Variants in MROH9 observed in about 807,000 individuals in gnomAD.
MROH9 encodes the protein maestro heat like repeat family member 9.
A neutral mutation model predicts 98.2 loss-of-function variants in MROH9; 92 were observed. That is an observed-to-expected ratio of 0.94 (90% CI 0.79 to 1.11). The LOEUF (loss-of-function observed/expected upper bound fraction) is 1.11, where lower values mean the gene tolerates loss of function less well. MROH9 is among the 50% of genes most tolerant of loss of function. The pLI, the probability that MROH9 is intolerant of heterozygous loss-of-function variation, is 0.00. For missense variants in MROH9, 1,057 were observed against 1,014.8 expected (o/e 1.04, Z -0.57); for synonymous variants, 397 against 368.9 (o/e 1.08, Z -0.87).
At chr1:171,035,940 CA>C (rs1653085611) in intron 20 of MROH9, among the ~76,000 whole-genome samples, 1 of 152,038 alleles carries the variant, frequency 6.6e-6, no homozygotes, top group African/African-American at 2.4e-5. Context: ...CATGTGTTCA[CA>C]AAAGATATGT....
intron 11 of MROH9, among the ~76,000 whole-genome samples, chr1:170,991,204 T>C (rs1013519843): frequency 6.6e-6 from 1 of 152,146 alleles, no homozygotes. Flanking sequence ...TACCAGCAGG[T>C]CTAATTCTAT....
At chr1:170,997,012 A>G (rs1387674367) in intron 14 of MROH9, among the ~76,000 whole-genome samples, 2 of 152,286 alleles carry the variant, frequency 1.3e-5, no homozygotes, top group East Asian at 3.9e-4. Context: ...AAACAGGTCC[A>G]GTAAAAACCT....
chr1:171,010,863 A>T (rs1652126489), intron 15 of MROH9, among the ~76,000 whole-genome samples: 1 of 152,100 alleles, frequency 6.6e-6, no homozygotes, highest in Non-Finnish European at 1.5e-5. Context: ...AGATGGGTAG[A>T]TTGCAAAAAA....
intron 20 of MROH9, among the ~76,000 whole-genome samples, chr1:171,057,500 C>T (rs964810640): frequency 6.6e-6 from 1 of 152,110 alleles, no homozygotes; most frequent in African/African-American, 2.4e-5. Flanking sequence ...ACTGGAATAC[C>T]TGAAGGAGAT....
chr1:170,987,781 T>C (rs1210257238), intron 10 of MROH9, among the ~76,000 whole-genome samples: 1 of 152,212 alleles, frequency 6.6e-6, no homozygotes, highest in African/African-American at 2.4e-5. Flanking sequence ...TCAATTTTTA[T>C]CATTCATATA....
intron 20 of MROH9, among the ~76,000 whole-genome samples, chr1:171,048,073 G>GCCA (rs755776371): frequency 6.6e-6 from 1 of 152,142 alleles, no homozygotes; most frequent in East Asian, 1.9e-4. Flanking sequence ...CATCCCTGTG[G>GCCA]CCACCACCAC....
chr1:170,992,229 C>T lies in MROH9; in HGVS notation c.1094C>T (p.Thr365Ile). Residue 365 changes from threonine (T) to isoleucine (I), a missense_variant, in exon 12 of 22, where the codon ACA (threonine) becomes ATA (isoleucine). Physicochemically the swap from Thr to Ile is moderately conservative, Grantham distance 89. Transcript: ENST00000367759. ...AGCGTGGCCCCTCACGTGCTGAAGA[C>T]AATCTTATTGATACTGAAAGGAAAG... is the stretch of plus-strand genomic sequence containing the variant. ...QASVAPHVLK[T>I]ILLILKGKPG... 6.2e-7 allele frequency: 1 copy of T among 1,613,500 alleles called. No homozygotes were observed. Among genetic ancestry groups the T allele is most frequent in the South Asian group, 1.1e-5 (1 of 91,062 alleles).
chr1:170,961,285 G>T (rs1279419434), intron 5 of MROH9, among the ~76,000 whole-genome samples: 1 of 152,068 alleles, frequency 6.6e-6, no homozygotes, highest in Non-Finnish European at 1.5e-5. Flanking sequence ...AACAGCTAAG[G>T]CAAGAGAAAA....
chr1:170,962,527 T>G (rs1014822477), intron 6 of MROH9, among the ~76,000 whole-genome samples: 1 of 152,136 alleles, frequency 6.6e-6, no homozygotes, highest in Non-Finnish European at 1.5e-5. Context: ...TCTTCAACTT[T>G]GCATTCCTAA....
At chr1:171,006,734 G>A (rs768021736) in intron 15 of MROH9, among the ~76,000 whole-genome samples, 2 of 120,562 alleles carry the variant, frequency 1.7e-5, no homozygotes, top group Non-Finnish European at 1.7e-5. Flanking sequence ...ATTCTTTCTT[G>A]TGTGTGATCA....
intron 17 of MROH9, among the ~76,000 whole-genome samples, chr1:171,019,625 T>C (rs1450167517): frequency 6.6e-6 from 1 of 151,146 alleles, no homozygotes; most frequent in African/African-American, 2.4e-5. Context: ...CACTCCAGTC[T>C]GGGCGACAGA....
intron 6 of MROH9, among the ~76,000 whole-genome samples, chr1:170,962,898 C>T (rs1650072439): frequency 6.6e-6 from 1 of 151,852 alleles, no homozygotes; most frequent in Non-Finnish European, 1.5e-5. Flanking sequence ...TATGCAATAC[C>T]ATTCTGGACA....
chr1:170,963,367 A>G (rs560890939), intron 6 of MROH9, among the ~76,000 whole-genome samples: 1 of 152,080 alleles, frequency 6.6e-6, no homozygotes, highest in Non-Finnish European at 1.5e-5. Flanking sequence ...ATAAATGTTT[A>G]TACACTGTTG....
chr1:170,950,549 G>T (rs1649510450), intron 3 of MROH9, among the ~76,000 whole-genome samples: 1 of 152,060 alleles, frequency 6.6e-6, no homozygotes, highest in South Asian at 2.1e-4. Context: ...ATTGCTAGGA[G>T]AATGCACAGG....
chr1:171,011,799 C>CT (rs1412118998), intron 15 of MROH9, among the ~76,000 whole-genome samples: 2 of 151,972 alleles, frequency 1.3e-5, no homozygotes, highest in Non-Finnish European at 2.9e-5. Context: ...TTTACTTGTT[C>CT]TTTTTTGTAT....
intron 17 of MROH9, among the ~76,000 whole-genome samples, chr1:171,024,172 G>A (rs72710577): frequency 0.093 from 14,183 of 151,910 alleles, 782 homozygotes; most frequent in Middle Eastern, 0.17. Context: ...ATAATAGGTA[G>A]GCAAATATTA....
intron 15 of MROH9, among the ~76,000 whole-genome samples, chr1:171,002,269 T>C (rs1244647749): frequency 6.6e-6 from 1 of 152,022 alleles, no homozygotes; most frequent in Non-Finnish European, 1.5e-5. Context: ...TGAGGTACTG[T>C]TGCATTCATC....
chr1:171,013,241 C>G (rs1043519975), intron 15 of MROH9, among the ~76,000 whole-genome samples: 4 of 152,214 alleles, frequency 2.6e-5, no homozygotes, highest in Non-Finnish European at 4.4e-5. Context: ...GGGCCACATA[C>G]TGGTACCAGT....
intron 20 of MROH9, among the ~76,000 whole-genome samples, chr1:171,035,740 T>A (rs1653080037): frequency 6.6e-6 from 1 of 152,136 alleles, no homozygotes; most frequent in Non-Finnish European, 1.5e-5. Flanking sequence ...ACATCCAACA[T>A]AAAGTGTAGA....
Sources: allele counts gnomAD v4.1 joint callset (sites outside exome capture counted in the v4.1 genomes callset), GRCh38; gene constraint gnomAD v4.1.1; transcripts MANE v1.5; gene names NCBI Gene and HGNC (gene_info 2026-07-23, HGNC 2026-07-21).